Variants in SLC25A26 observed in about 807,000 individuals in gnomAD.
SLC25A26 encodes solute carrier family 25 member 26, also known as mitochondrial S-adenosylmethionine carrier protein.
Under a neutral mutation model 37.8 loss-of-function variants are expected in SLC25A26, and 36 were observed. The observed-to-expected ratio is 0.95, with a 90% CI of 0.73 to 1.26. SLC25A26 has a LOEUF of 1.26. Ranked by LOEUF, SLC25A26 falls within the 50% of genes most tolerant of loss-of-function variation. The pLI, the probability that SLC25A26 is intolerant of heterozygous loss-of-function variation, is 0.00. For missense variants in SLC25A26, 390 were observed against 331.1 expected (o/e 1.18, Z -1.38); for synonymous variants, 129 against 122.5 (o/e 1.05, Z -0.35).
chr3:66,261,347 T>C (rs1249333101), intron 3 of SLC25A26, among the ~76,000 whole-genome samples: 2 of 152,230 alleles, frequency 1.3e-5, no homozygotes, highest in African/African-American at 4.8e-5. Flanking sequence ...GTTTGACTAA[T>C]TCTTTATTGT....
intron 1 of SLC25A26, among the ~76,000 whole-genome samples, chr3:66,147,651 G>T (rs1409217540): frequency 1.3e-5 from 2 of 152,250 alleles, no homozygotes; most frequent in Admixed American, 1.3e-4. Context: ...TTAGTTCTTT[G>T]AGGAATCTCC....
intron 5 of SLC25A26, among the ~76,000 whole-genome samples, chr3:66,263,944 C>T (rs113399578): frequency 0.16 from 24,958 of 151,752 alleles, 2,529 homozygotes; most frequent in Non-Finnish European, 0.23. Flanking sequence ...AGGCGTGAGT[C>T]GCCGCGCCCG....
chr3:66,326,335 G>T (rs1170708323), intron 5 of SLC25A26, among the ~76,000 whole-genome samples: 1 of 152,194 alleles, frequency 6.6e-6, no homozygotes, highest in Non-Finnish European at 1.5e-5. Context: ...GTGGAAAAGG[G>T]GGAAATGTCC....
chr3:66,320,985 G>A (rs536369249), intron 5 of SLC25A26, among the ~76,000 whole-genome samples: 19 of 152,198 alleles, frequency 1.2e-4, no homozygotes, highest in African/African-American at 4.6e-4. Flanking sequence ...TCAAGATGAT[G>A]GTATTAGGAG....
intron 1 of SLC25A26, among the ~76,000 whole-genome samples, chr3:66,211,249 A>G (rs1035870304): frequency 0.81 from 123,882 of 152,132 alleles, 51,484 homozygotes; most frequent in Middle Eastern, 0.92. Context: ...AGGACACACA[A>G]TGGTAGCTCA....
intron 6 of SLC25A26, among the ~76,000 whole-genome samples, chr3:66,348,745 G>A (rs376022109): frequency 4.6e-5 from 7 of 152,290 alleles, no homozygotes; most frequent in Non-Finnish European, 7.4e-5. Context: ...ATTTTAAGGC[G>A]TAGTATTGCT....
Position 66,300,251 on chromosome 3 carries a change from G to GTTTTTTTTTTTTTTTTTTT in SLC25A26, c.453+36876_453+36877insTTTTTTTTTTTTTTTTTTT, listed in dbSNP as rs1309490705. On this transcript the variant is annotated intron_variant, in intron 5 of 9. Transcript: ENST00000354883. ...TGGACTTCTAGGCTAGGGTTTTTTT[G>GTTTTTTTTTTTTTTTTTTT]TTTTGTTTTTTTTTTTTTTTTTGGT... Among the ~76,000 whole-genome samples, 5 of 111,616 alleles carry GTTTTTTTTTTTTTTTTTTT rather than the reference G, an allele frequency of 4.5e-5. 1 individual carries two copies. The highest frequency in any genetic ancestry group is 9.6e-5 in the Non-Finnish European group (5 of 51,966). 73.2% of individuals were successfully genotyped at this position (111,616 alleles called of 152,430 possible).
chr3:66,270,361 A>G lies in SLC25A26; in HGVS notation c.453+6982A>G, dbSNP rs118053447. On this transcript the variant is annotated intron_variant, in intron 5 of 9. Transcript: ENST00000354883. ...AATGTGAAATTGTTTTTCAGTTAAA[A>G]TCCAATGCAAACATATTGAACCCTA... 7.2e-4 allele frequency among the ~76,000 whole-genome samples: 109 copies of G among 152,312 alleles called. No individual in the cohort carries two copies. In the East Asian group the frequency reaches 0.016, roughly 23 times the overall value.
intron 2 of SLC25A26, 79 bp from the exon 3 acceptor site, chr3:66,243,124 A>G (rs1303577605): frequency 1.4e-6 from 1 of 693,766 alleles, no homozygotes; most frequent in East Asian, 2.6e-5. Flanking sequence ...TTATTGTCAT[A>G]CTTTTTGAGA....
At chr3:66,377,436 C>T (rs565283036) in intron 9 of SLC25A26, among the ~76,000 whole-genome samples, 1 of 152,012 alleles carries the variant, frequency 6.6e-6, no homozygotes, top group Non-Finnish European at 1.5e-5. Flanking sequence ...GCCTTCCAGC[C>T]TTACCTAGGA....
intron 5 of SLC25A26, among the ~76,000 whole-genome samples, chr3:66,293,856 C>T (rs184576203): frequency 1.7e-4 from 26 of 152,130 alleles, no homozygotes; most frequent in African/African-American, 5.8e-4. Context: ...CATACGTGTG[C>T]ATGTGTCTTT....
Position 66,155,186 on chromosome 3 carries a change from A to G in SLC25A26, c.-354+21202A>G, listed in dbSNP as rs1227882365. Reference sequence around the variant, plus strand: ...ACCTTTTAGCCCAGAGACCAGCTCAATAAATACTTGCTAAATTAACAAATG... The same window carrying G: ...ACCTTTTAGCCCAGAGACCAGCTCAGTAAATACTTGCTAAATTAACAAATG... On this transcript the variant is annotated intron_variant, in intron 1 of 10. Coordinates refer to the SLC25A26 transcript ENST00000676754. Among the ~76,000 whole-genome samples the G allele has an allele frequency of 2.6e-5, 4 of 152,340 alleles. No homozygotes were observed. The South Asian group carries it at 6.2e-4, about 24-fold the overall frequency.
At position 66,137,278 on chromosome 3, in the gene SLC25A26, T is replaced by C. The variant is rs570223286; in HGVS notation, c.-354+3294T>C. ...TCTTGTCGCCCGAGCTGGAGTGCAA[T>C]GGCGCGATCTCAAACTCTGCTCACT... On this transcript the variant is annotated intron_variant, in intron 1 of 10. Transcript: ENST00000676754. Among the ~76,000 whole-genome samples, 77 of 148,896 alleles carry C rather than the reference T, an allele frequency of 5.2e-4. No individual in the cohort carries two copies. In the East Asian group the frequency reaches 6.6e-3, roughly 13 times the overall value.
chr3:66,268,099 C>T (rs1156824753), intron 5 of SLC25A26, among the ~76,000 whole-genome samples: 1 of 152,112 alleles, frequency 6.6e-6, no homozygotes, highest in Non-Finnish European at 1.5e-5. Context: ...TCATTTATAT[C>T]ACTTCATTAA....
chr3:66,352,180 T>C (rs952642814), intron 6 of SLC25A26, among the ~76,000 whole-genome samples: 1 of 152,158 alleles, frequency 6.6e-6, no homozygotes, highest in African/African-American at 2.4e-5. Context: ...GCTCACAACC[T>C]GGGCGACAGA....
intron 1 of SLC25A26, among the ~76,000 whole-genome samples, chr3:66,142,802 C>T (rs1458694438): frequency 2.0e-5 from 3 of 152,128 alleles, no homozygotes; most frequent in African/African-American, 7.2e-5. Context: ...CTGCCTCTGT[C>T]ACCCAGGCTG....
chr3:66,135,995 C>T lies in SLC25A26; in HGVS notation c.-354+2011C>T, dbSNP rs538326468. Among the ~76,000 whole-genome samples, 265 of 152,298 alleles carry T rather than the reference C, an allele frequency of 1.7e-3. 1 individual carries two copies. The highest frequency in any genetic ancestry group is 9.1e-3 in the South Asian group (44 of 4,824). ...ACAAGTCTGTTGAGATAGAAGTTAA[C>T]TTGAAAAGTGTTTTACTATAGATTT... On this transcript the variant is annotated intron_variant, in intron 1 of 10. Coordinates refer to the SLC25A26 transcript ENST00000676754.
intron 6 of SLC25A26, among the ~76,000 whole-genome samples, chr3:66,355,478 A>C (rs1232034442): frequency 6.6e-6 from 1 of 152,210 alleles, no homozygotes; most frequent in African/African-American, 2.4e-5. Context: ...ATTTTTAATT[A>C]TGAAAAGTAG....
intron 1 of SLC25A26, 28 bp from the exon 2 acceptor site, chr3:66,236,515 TC>T: frequency 7.0e-7 from 1 of 1,428,420 alleles, no homozygotes. Flanking sequence ...CTTTTTTTTT[TC>T]TTTTTCTTCC....
Sources: gnomAD v4.1 joint callset for allele counts (sites outside exome capture counted in the v4.1 genomes callset) on GRCh38, gnomAD v4.1.1 for gene constraint, MANE v1.5 for transcripts, NCBI Gene and HGNC (gene_info 2026-07-23, HGNC 2026-07-21) for gene names.